Variants in EYS observed in about 807,000 individuals in gnomAD.
EYS encodes the protein EGF-like photoreceptor maintenance factor, also known as protein eyes shut homolog.
Under a neutral mutation model 282.1 loss-of-function variants are expected in EYS, and 250 were observed. The ratio of observed to expected loss-of-function variants is 0.89; its 90% CI spans 0.80 to 0.98. The LOEUF (loss-of-function observed/expected upper bound fraction) is 0.98, where lower values mean the gene tolerates loss of function less well. Ranked by LOEUF, EYS falls within the 50% of genes least tolerant of loss-of-function variation. The probability of loss-of-function intolerance (pLI) is 0.00; values close to 1 mark genes in which losing one functional copy is unlikely to be tolerated. For synonymous variants in EYS, 1,355 were observed against 1,282.9 expected, an observed-to-expected ratio of 1.06 and a Z score of -1.20; for missense variants, 4,016 against 3,709.0, an observed-to-expected ratio of 1.08 and a Z score of -2.15.
At chr6:64,079,594 T>A (rs1384200366) in intron 32 of EYS, among the ~76,000 whole-genome samples, 2 of 152,134 alleles carry the variant, frequency 1.3e-5, no homozygotes, top group Non-Finnish European at 2.9e-5. Context: ...TTATTATACC[T>A]TAAGTTCTAG....
At chr6:64,540,408 T>C (rs879739282) in intron 26 of EYS, among the ~76,000 whole-genome samples, 4 of 152,006 alleles carry the variant, frequency 2.6e-5, no homozygotes, top group Non-Finnish European at 5.9e-5. Context: ...ACATAACCTA[T>C]TGTGCTTTGT....
chr6:65,435,743 A>C (rs965591608), intron 5 of EYS, among the ~76,000 whole-genome samples: 2 of 152,102 alleles, frequency 1.3e-5, no homozygotes, highest in African/African-American at 4.8e-5. Context: ...ATAATTCAGA[A>C]AGTAACTGTA....
chr6:64,354,269 A>G (rs974771684), intron 29 of EYS, among the ~76,000 whole-genome samples: 1 of 151,690 alleles, frequency 6.6e-6, no homozygotes, highest in African/African-American at 2.4e-5. Context: ...TTTTGTTAAC[A>G]GATACCCTAA....
rs1289099342 is a variant in EYS at position 63,720,052 on chromosome 6, A to G, written c.*544T>C. The G allele has an allele frequency of 6.5e-6, 1 of 152,758 alleles. No homozygotes were observed. The highest frequency in any genetic ancestry group is 1.5e-5 in the Non-Finnish European group (1 of 68,478). 9.5% of individuals were successfully genotyped at this position (152,758 alleles called of 1,614,324 possible). A position where few individuals can be genotyped will look rare whatever the true frequency, so the allele number is the denominator to read the frequency against. On this transcript the variant is annotated 3_prime_UTR_variant, in exon 43 of 43. Coordinates refer to ENST00000503581, the MANE Select transcript of EYS (RefSeq NM_001142800.2). ...CCTTCTCTTTCTACATTCATGCAATAATTTTTGGTTTAAATCTATGTTCAA... is the reference window on the plus strand; with the variant it reads ...CCTTCTCTTTCTACATTCATGCAATGATTTTTGGTTTAAATCTATGTTCAA...
chr6:64,123,703 G>A (rs1773668171), intron 31 of EYS, among the ~76,000 whole-genome samples: 1 of 152,214 alleles, frequency 6.6e-6, no homozygotes, highest in Non-Finnish European at 1.5e-5. Flanking sequence ...CTGGGAAACA[G>A]GGTGAGATGG....
At chr6:64,534,581 T>G (rs2149795304) in intron 26 of EYS, among the ~76,000 whole-genome samples, 1 of 152,320 alleles carries the variant, frequency 6.6e-6, no homozygotes, top group Non-Finnish European at 1.5e-5. Context: ...GATTATGTAC[T>G]TTCTTGTCAT....
At chr6:65,256,276 T>G (rs1171280858) in intron 12 of EYS, among the ~76,000 whole-genome samples, 1 of 128,612 alleles carries the variant, frequency 7.8e-6, no homozygotes, top group Non-Finnish European at 1.6e-5. Flanking sequence ...TTTTTTTTCT[T>G]TTTTTTTTTT....
intron 22 of EYS, among the ~76,000 whole-genome samples, chr6:64,643,710 G>A (rs1768252508): frequency 6.6e-6 from 1 of 152,224 alleles, no homozygotes; most frequent in Non-Finnish European, 1.5e-5. Flanking sequence ...GCTTTCTCAT[G>A]ATAGTGAATA....
intron 13 of EYS, among the ~76,000 whole-genome samples, chr6:65,034,999 A>G (rs971237646): frequency 3.9e-5 from 6 of 152,174 alleles, no homozygotes; most frequent in African/African-American, 1.4e-4. Context: ...TACCACATCA[A>G]AGAGCTAATC....
intron 2 of EYS, among the ~76,000 whole-genome samples, chr6:65,511,366 T>A (rs6931758): frequency 0.68 from 98,796 of 145,536 alleles, 33,433 homozygotes; most frequent in East Asian, 0.81. Flanking sequence ...TGTGTGTGTG[T>A]GAGAGAGAGA....
At chr6:63,961,728 T>C (rs754172066) in intron 35 of EYS, among the ~76,000 whole-genome samples, 1 of 152,286 alleles carries the variant, frequency 6.6e-6, no homozygotes. Context: ...CCATCCGTAA[T>C]GGTGGAGCCC....
chr6:65,296,112 A>G lies in EYS; in HGVS notation c.1774T>C (p.Cys592Arg). ...AATCTGCCAATGTAACTAAGAGAAC[A>G]GCTGCATCTGAAACACAGAGAAATG... ...KDEINRPRCS[C>R]SLSYIGRLCV... Residue 592 changes from cysteine to arginine, a missense_variant, in exon 12 of 43, where the codon TGT (cysteine) becomes CGT (arginine). By Grantham distance (180) the Cys-to-Arg change is radical. Transcript: ENST00000503581. 4 of 1,545,510 alleles carry G rather than the reference A, an allele frequency of 2.6e-6. No individual in the cohort carries two copies. Among genetic ancestry groups the G allele is most frequent in the Non-Finnish European group, 3.5e-6 (4 of 1,145,046 alleles).
Position 63,808,597 on chromosome 6 carries a change from G to C in EYS, c.7229-2225C>G, listed in dbSNP as rs554041981. 1.5e-4 allele frequency among the ~76,000 whole-genome samples: 23 copies of C among 152,264 alleles called. 1 individual carries two copies. In the South Asian group the frequency reaches 4.8e-3, roughly 32 times the overall value. ...TTATGAGTAACTCATTAAGGCAATGGTGTGATATTTAAACAGCTAATGGAA... is the reference window on the plus strand; with the variant it reads ...TTATGAGTAACTCATTAAGGCAATGCTGTGATATTTAAACAGCTAATGGAA... On this transcript the variant is annotated intron_variant, in intron 36 of 42. Coordinates refer to ENST00000503581, the MANE Select transcript of EYS (RefSeq NM_001142800.2).
chr6:63,842,919 A>G (rs1356644674), intron 36 of EYS, among the ~76,000 whole-genome samples: 3 of 152,076 alleles, frequency 2.0e-5, no homozygotes, highest in Admixed American at 6.6e-5. Context: ...ATGGTTATAC[A>G]TCTGTGGTGT....
chr6:65,599,765 G>A (rs1765548170), intron 2 of EYS, among the ~76,000 whole-genome samples: 1 of 151,880 alleles, frequency 6.6e-6, no homozygotes, highest in Non-Finnish European at 1.5e-5. Context: ...CTTAGTTTTT[G>A]TCTCCTTAAG....
intron 19 of EYS, among the ~76,000 whole-genome samples, chr6:64,861,312 G>A (rs1253622844): frequency 6.6e-6 from 1 of 152,230 alleles, no homozygotes; most frequent in African/African-American, 2.4e-5. Context: ...GGTTGCAACA[G>A]CACACGGGCT....
intron 14 of EYS, among the ~76,000 whole-genome samples, chr6:64,988,806 T>C (rs1770953462): frequency 6.6e-6 from 1 of 151,612 alleles, no homozygotes; most frequent in Admixed American, 6.6e-5. Flanking sequence ...AAATATAAGC[T>C]TATATATTAT....
At chr6:63,901,008 T>C (rs916996237) in intron 35 of EYS, among the ~76,000 whole-genome samples, 2 of 152,196 alleles carry the variant, frequency 1.3e-5, no homozygotes, top group African/African-American at 4.8e-5. Flanking sequence ...AAACAACCTG[T>C]GATACATATT....
chr6:65,034,453 T>C (rs1236341412), intron 13 of EYS, among the ~76,000 whole-genome samples: 2 of 152,140 alleles, frequency 1.3e-5, no homozygotes, highest in East Asian at 1.9e-4. Flanking sequence ...TGGGGCCTGG[T>C]GGGAGGTGTT....
Sources: allele counts gnomAD v4.1 joint callset (sites outside exome capture counted in the v4.1 genomes callset), GRCh38; gene constraint gnomAD v4.1.1; transcripts MANE v1.5; gene names NCBI Gene and HGNC (gene_info 2026-07-23, HGNC 2026-07-21).